C2CD2: variants seen among roughly 807,000 people sequenced by gnomAD.
C2CD2 encodes the protein C2 domain-containing protein 2.
Under a neutral mutation model 74.3 loss-of-function variants are expected in C2CD2, and 43 were observed. That is an observed-to-expected ratio of 0.58 (90% CI 0.45 to 0.75). C2CD2 has a LOEUF of 0.75. Among genes scored for constraint, C2CD2 ranks in the 30% least tolerant of loss-of-function variants. The probability of loss-of-function intolerance (pLI) is 0.00; values close to 1 mark genes in which losing one functional copy is unlikely to be tolerated. For synonymous variants in C2CD2, 422 were observed against 390.7 expected (o/e 1.08, Z -0.94); for missense variants, 801 against 916.3 (o/e 0.87, Z 1.63).
chr21:41,922,289 C>T (rs992234722), intron 2 of C2CD2, among the ~76,000 whole-genome samples: 1 of 150,538 alleles, frequency 6.6e-6, no homozygotes, highest in Admixed American at 6.6e-5. Context: ...CTCCTGAGTA[C>T]ATGAAACTAC....
chr21:41,889,967 C>A (rs1369109364), intron 13 of C2CD2, among the ~76,000 whole-genome samples: 1 of 152,116 alleles, frequency 6.6e-6, no homozygotes, highest in Non-Finnish European at 1.5e-5. Flanking sequence ...TTCTATCAGA[C>A]CAAATGGAGG....
chr21:41,953,302 A>T, intron 1 of C2CD2, 68 bp downstream of exon 1: 1 of 1,126,934 alleles, frequency 8.9e-7, no homozygotes, highest in Non-Finnish European at 1.2e-6. Context: ...CGCCTCCAGG[A>T]AAGACCTCGG....
At chr21:41,912,026 T>A (rs962395548) in intron 7 of C2CD2, 1 of 266,362 alleles carries the variant, frequency 3.8e-6, no homozygotes, top group Non-Finnish European at 7.1e-6. Flanking sequence ...CTTCGTTAGG[T>A]TCTGGATTCA....
chr21:41,942,086 A>C (rs2065359051), intron 2 of C2CD2, 61 bp downstream of exon 2: 6 of 1,537,482 alleles, frequency 3.9e-6, no homozygotes, highest in Non-Finnish European at 5.3e-6. Flanking sequence ...AAACAAAGCA[A>C]ACTCCCCGTC....
At chr21:41,922,139 G>T in intron 2 of C2CD2, 54 bp from the exon 3 acceptor site, 1 of 1,006,856 alleles carries the variant, frequency 9.9e-7, no homozygotes, top group East Asian at 2.4e-5. Context: ...AGGACAGCGC[G>T]TGCATACGCA....
In C2CD2 at chr21:41,886,688, T is replaced by C. The variant is rs1296239348; in HGVS notation, c.*2436A>G. On this transcript the variant is annotated 3_prime_UTR_variant, in exon 14 of 14. Coordinates refer to ENST00000380486, the MANE Select transcript of C2CD2 (RefSeq NM_015500.2). Reference sequence around the variant, plus strand: ...TTTTTTTTTTGAGAGCAAGAAGGCTTAATATAAAATCCTGGGGCCGGCCTG... The same window carrying C: ...TTTTTTTTTTGAGAGCAAGAAGGCTCAATATAAAATCCTGGGGCCGGCCTG... The C allele has an allele frequency of 6.6e-6, 1 of 151,584 alleles. No individual in the cohort carries two copies. Among genetic ancestry groups the C allele is most frequent in the Non-Finnish European group, 1.5e-5 (1 of 67,976 alleles). The allele number at this position is 151,584 out of a possible 1,614,324, so 9.4% of individuals were successfully genotyped here. A position where few individuals can be genotyped will look rare whatever the true frequency, so the allele number is the denominator to read the frequency against.
chr21:41,900,396 A>G (rs2064880277), intron 12 of C2CD2, among the ~76,000 whole-genome samples: 1 of 152,222 alleles, frequency 6.6e-6, no homozygotes, highest in Non-Finnish European at 1.5e-5. Context: ...TTTAAATATG[A>G]TCTTAGAGAA....
rs548643597 is a variant in C2CD2 at position 41,923,443 on chromosome 21, A to C, written c.379-1358T>G. Among the ~76,000 whole-genome samples, 1 of 152,352 alleles carries C rather than the reference A, an allele frequency of 6.6e-6. No individual in the cohort carries two copies. Among genetic ancestry groups the C allele is most frequent in the East Asian group, 1.9e-4 (1 of 5,190 alleles). ...GAGTCTTAAAGAGAAAGTAAGTTAT[A>C]GATGTTAGAAGTAAAAAAAGTTTTC... On this transcript the variant is annotated intron_variant, in intron 2 of 13. Coordinates refer to ENST00000380486, the MANE Select transcript of C2CD2 (RefSeq NM_015500.2). The surrounding 1 kb of genome is among the most constrained non-coding windows in gnomAD (Gnocchi z 5.8).
chr21:41,897,162 C>T (rs1408170710), intron 13 of C2CD2, among the ~76,000 whole-genome samples: 1 of 152,144 alleles, frequency 6.6e-6, no homozygotes, highest in Non-Finnish European at 1.5e-5. Flanking sequence ...GGATGGAAAC[C>T]CAGGGAAAGA....
Position 41,903,582 on chromosome 21 carries a change from T to C in C2CD2, c.1433-1833A>G, listed in dbSNP as rs927576233. Among the ~76,000 whole-genome samples the C allele has an allele frequency of 1.3e-5, 2 of 152,138 alleles. No homozygotes were observed. The highest frequency in any genetic ancestry group is 4.8e-5 in the African/African-American group (2 of 41,432). On this transcript the variant is annotated intron_variant, in intron 11 of 13. Coordinates refer to ENST00000380486, the MANE Select transcript of C2CD2 (RefSeq NM_015500.2). This position sits in a 1 kb window ranked among gnomAD's most constrained non-coding sequence, Gnocchi z 4.5. ...TTTTTGTTTAGCCACTGACCCACAC[T>C]GAGAAGAGAGAAGTGCTGGAGAAAG...
chr21:41,889,204 T>G lies in C2CD2; in HGVS notation c.2011A>C (p.Arg671=). The stretch of plus-strand genomic sequence containing the variant: ...GAGAGCAGCTTCTTGTTCAGGATCC[T>G]GGTGAGGGTGATGCCTTTCCTCCGG... ...GSRRKGITLT[R]ILNKKLLSRH... is the part of the protein sequence containing the mutation. Residue 671 remains arginine (R), a synonymous_variant, in exon 14 of 14, where the codon AGG becomes CGG. Coordinates refer to ENST00000380486, the MANE Select transcript of C2CD2 (RefSeq NM_015500.2). The G allele has an allele frequency of 6.2e-7, 1 of 1,613,560 alleles. No homozygotes were observed. The highest frequency in any genetic ancestry group is 8.5e-7 in the Non-Finnish European group (1 of 1,180,020).
intron 2 of C2CD2, among the ~76,000 whole-genome samples, chr21:41,932,851 C>T (rs745355540): frequency 6.7e-6 from 1 of 150,250 alleles, no homozygotes; most frequent in Non-Finnish European, 1.5e-5. Context: ...ATGACTTGGA[C>T]ACACCGAGGC....
In C2CD2 at chr21:41,888,045, A is replaced by G. The variant is rs1159103864; in HGVS notation, c.*1079T>C. On this transcript the variant is annotated 3_prime_UTR_variant, in exon 14 of 14. Coordinates refer to ENST00000380486, the MANE Select transcript of C2CD2 (RefSeq NM_015500.2). ...AACAAACCCAAACAAGGGCACCCCA[A>G]CCTGTGTCCAAGAGGACTGTTCACA... The G allele has an allele frequency of 6.5e-6, 1 of 152,786 alleles. No homozygotes were observed. Among genetic ancestry groups the G allele is most frequent in the East Asian group, 1.9e-4 (1 of 5,190 alleles). The allele number at this position is 152,786 out of a possible 1,614,324, so 9.5% of individuals were successfully genotyped here. A position where few individuals can be genotyped will look rare whatever the true frequency, so the allele number is the denominator to read the frequency against.
At chr21:41,911,695 CT>C (rs575443853) in intron 7 of C2CD2, among the ~76,000 whole-genome samples, 419 of 142,780 alleles carry the variant, frequency 2.9e-3, no homozygotes, top group Admixed American at 3.4e-3. Context: ...GACTTTCTTT[CT>C]TTTTTTTTTT....
intron 13 of C2CD2, among the ~76,000 whole-genome samples, chr21:41,896,707 CAAAAAAAAAAAA>C (rs71332341): frequency 1.6e-4 from 12 of 73,704 alleles, no homozygotes; most frequent in Non-Finnish European, 2.5e-5. Context: ...GTTCTTAAAC[CAAAAAAAAAAAA>C]AAAAAAAAAA....
At position 41,886,362 on chromosome 21, in the gene C2CD2, CTT is replaced by C. The variant is rs1386536203; in HGVS notation, c.*2760_*2761del. 1 of 152,352 alleles carries C rather than the reference CTT, an allele frequency of 6.6e-6. No individual in the cohort carries two copies. The highest frequency in any genetic ancestry group is 2.4e-5 in the African/African-American group (1 of 41,570). 9.4% of individuals were successfully genotyped at this position (152,352 alleles called of 1,614,324 possible). A position where few individuals can be genotyped will look rare whatever the true frequency, so the allele number is the denominator to read the frequency against. ...TTATCTTTAACCTTCACAACATTTA[CTT>C]TGTCATAAATACCCTACACCATGAA... On this transcript the variant is annotated 3_prime_UTR_variant, in exon 14 of 14. Coordinates refer to ENST00000380486, the MANE Select transcript of C2CD2 (RefSeq NM_015500.2).
chr21:41,910,465 A>C (rs561084273), intron 7 of C2CD2, among the ~76,000 whole-genome samples: 3 of 152,292 alleles, frequency 2.0e-5, no homozygotes, highest in Non-Finnish European at 4.4e-5. Context: ...GCTTATTCCC[A>C]GTGACACCTC....
rs899678030 is a variant in C2CD2, at chr21:41,895,279, A to AC, written c.1870+3773dup. On this transcript the variant is annotated intron_variant, in intron 13 of 13. Transcript: ENST00000380486. This position sits in a 1 kb window ranked among gnomAD's most constrained non-coding sequence, Gnocchi z 5.0. ...CATGAGTCAGTTCCTTAAATATGTA[A>AC]CCTATGGGTTCTGCTTCTCTGGAGG... Among the ~76,000 whole-genome samples, 3 of 152,036 alleles carry AC rather than the reference A, an allele frequency of 2.0e-5. No individual in the cohort carries two copies. Among genetic ancestry groups the AC allele is most frequent in the African/African-American group, 7.2e-5 (3 of 41,380 alleles).
rs905546507 is a variant in C2CD2 at position 41,903,561 on chromosome 21, T to G, written c.1433-1812A>C. Among the ~76,000 whole-genome samples the G allele has an allele frequency of 6.6e-6, 1 of 152,178 alleles. No individual in the cohort carries two copies. Among genetic ancestry groups the G allele is most frequent in the Non-Finnish European group, 1.5e-5 (1 of 68,030 alleles). ...TGTTGTGAGTAGAGGAACAGATTTT[T>G]GTTTAGCCACTGACCCACACTGAGA... On this transcript the variant is annotated intron_variant, in intron 11 of 13. Coordinates refer to ENST00000380486, the MANE Select transcript of C2CD2 (RefSeq NM_015500.2). The surrounding 1 kb of genome is among the most constrained non-coding windows in gnomAD (Gnocchi z 4.5).
Sources: allele counts gnomAD v4.1 joint callset (sites outside exome capture counted in the v4.1 genomes callset), GRCh38; gene constraint gnomAD v4.1.1; non-coding constraint Gnocchi (gnomAD v3.1); transcripts MANE v1.5; gene names NCBI Gene and HGNC (gene_info 2026-07-23, HGNC 2026-07-21).